Variants in EFHD1 observed in about 807,000 individuals in gnomAD.
EFHD1 encodes EF-hand domain-containing protein D1.
Under a neutral mutation model 17.2 loss-of-function variants are expected in EFHD1, and 10 were observed. The observed-to-expected ratio is 0.58, with a 90% CI of 0.36 to 0.99. The LOEUF (loss-of-function observed/expected upper bound fraction) is 0.99, where lower values mean the gene tolerates loss of function less well. Ranked by LOEUF, EFHD1 falls within the 50% of genes least tolerant of loss-of-function variation. EFHD1 has a pLI of 0.01. For synonymous variants in EFHD1, 153 were observed against 142.0 expected (o/e 1.08, Z -0.55); for missense variants, 310 against 327.5 (o/e 0.95, Z 0.41).
intron 1 of EFHD1, among the ~76,000 whole-genome samples, chr2:232,606,369 C>A (rs909069342): frequency 6.6e-6 from 1 of 152,200 alleles, no homozygotes; most frequent in African/African-American, 2.4e-5. Flanking sequence ...TCCGCGCCGG[C>A]TGGTCTCCCA....
intron 1 of EFHD1, among the ~76,000 whole-genome samples, chr2:232,614,305 T>G (rs1009619026): frequency 6.6e-6 from 1 of 152,124 alleles, no homozygotes; most frequent in African/African-American, 2.4e-5. Context: ...TGAGTGTGCC[T>G]GCCTCTCCTG....
At chr2:232,645,377 C>T (rs1016308297) in intron 1 of EFHD1, among the ~76,000 whole-genome samples, 8 of 152,154 alleles carry the variant, frequency 5.3e-5, no homozygotes, top group South Asian at 2.1e-4. Flanking sequence ...CCCACAGGGC[C>T]GTAGCTGATC....
chr2:232,632,914 G>T (rs1209934964), upstream of EFHD1, among the ~76,000 whole-genome samples: 1 of 152,230 alleles, frequency 6.6e-6, no homozygotes, highest in Non-Finnish European at 1.5e-5. Context: ...GAGTCTCCGC[G>T]CCAGGTTTCT....
chr2:232,608,123 A>C, intron 1 of EFHD1, among the ~76,000 whole-genome samples: 1 of 152,112 alleles, frequency 6.6e-6, no homozygotes, highest in South Asian at 2.1e-4. Context: ...TAATCCCAGC[A>C]CTTTGGGAGG....
At chr2:232,679,046 A>G (rs1389923289) in intron 3 of EFHD1, among the ~76,000 whole-genome samples, 1 of 152,228 alleles carries the variant, frequency 6.6e-6, no homozygotes, top group Non-Finnish European at 1.5e-5. Context: ...TTAAGATGTC[A>G]GCACATTTGC....
chr2:232,680,172 G>A (rs576210602), intron 3 of EFHD1, among the ~76,000 whole-genome samples: 5 of 152,162 alleles, frequency 3.3e-5, no homozygotes, highest in South Asian at 2.1e-4. Flanking sequence ...CTACTTGAGA[G>A]GCTGAGGCAG....
At chr2:232,680,099 CCT>C (rs1695249003) in intron 3 of EFHD1, among the ~76,000 whole-genome samples, 1 of 151,914 alleles carries the variant, frequency 6.6e-6, no homozygotes, top group Admixed American at 6.6e-5. Context: ...GTGGTAAAAC[CCT>C]GTCTCTACTA....
At chr2:232,620,401 AAAG>A (rs1693999561) in intron 1 of EFHD1, among the ~76,000 whole-genome samples, 1 of 151,480 alleles carries the variant, frequency 6.6e-6, no homozygotes, top group African/African-American at 2.4e-5. Context: ...AAAAAAAAAA[AAAG>A]AGACAGAGTC....
intron 1 of EFHD1, among the ~76,000 whole-genome samples, chr2:232,641,621 G>A (rs569130030): frequency 4.6e-5 from 7 of 152,342 alleles, no homozygotes; most frequent in African/African-American, 1.7e-4. Flanking sequence ...TGATATGAAA[G>A]CAGCCACAGG....
chr2:232,675,856 G>A (rs1695162264), intron 3 of EFHD1, among the ~76,000 whole-genome samples: 1 of 152,024 alleles, frequency 6.6e-6, no homozygotes, highest in African/African-American at 2.4e-5. Context: ...TTGTAAGGAG[G>A]GGAGTTGATG....
At chr2:232,669,468 G>T (rs904556528) in intron 2 of EFHD1, among the ~76,000 whole-genome samples, 31 of 152,102 alleles carry the variant, frequency 2.0e-4, no homozygotes, top group Admixed American at 5.9e-4. Flanking sequence ...CCTCTCACCG[G>T]CATGAAACAC....
At chr2:232,632,615 T>G (rs1460481086), upstream of EFHD1, among the ~76,000 whole-genome samples, 2 of 152,126 alleles carry the variant, frequency 1.3e-5, no homozygotes, top group African/African-American at 4.8e-5. Context: ...TTCCTCCCCC[T>G]CTCCCTCCTT....
intron 1 of EFHD1, chr2:232,606,445 T>A: frequency 1.7e-6 from 1 of 573,190 alleles, no homozygotes; most frequent in Non-Finnish European, 3.1e-6. Context: ...TGTGCTGAAG[T>A]CCCCATCGTC....
chr2:232,641,125 C>T (rs2106197836), intron 1 of EFHD1, among the ~76,000 whole-genome samples: 1 of 152,304 alleles, frequency 6.6e-6, no homozygotes, highest in African/African-American at 2.4e-5. Context: ...CCACTGCAAC[C>T]TCCACCTCCC....
chr2:232,679,717 TAA>T (rs34960766), intron 3 of EFHD1, among the ~76,000 whole-genome samples: 9 of 109,610 alleles, frequency 8.2e-5, no homozygotes, highest in Non-Finnish European at 1.5e-4. Flanking sequence ...AAGACGTTTC[TAA>T]AAAAAAAAAA....
intron 1 of EFHD1, among the ~76,000 whole-genome samples, chr2:232,660,171 ATTTAT>A (rs142343684): frequency 1.4e-5 from 2 of 147,558 alleles, no homozygotes; most frequent in Admixed American, 6.8e-5. Flanking sequence ...TGTGTTATTT[ATTTAT>A]TTTATTTTAT....
intron 1 of EFHD1, among the ~76,000 whole-genome samples, chr2:232,648,816 C>T (rs1259589672): frequency 1.3e-5 from 2 of 152,114 alleles, no homozygotes; most frequent in East Asian, 1.9e-4. Context: ...GTGGGGCCAG[C>T]GCCTGGCTGT....
At chr2:232,617,609 G>A (rs10191115) in intron 1 of EFHD1, among the ~76,000 whole-genome samples, 95,970 of 145,744 alleles carry the variant, frequency 0.66, 32,099 homozygotes, top group East Asian at 0.84. Context: ...AGCCGAGATC[G>A]CCCACTGCAC....
intron 1 of EFHD1, among the ~76,000 whole-genome samples, chr2:232,658,200 G>C (rs1244193329): frequency 6.6e-6 from 1 of 151,896 alleles, no homozygotes; most frequent in Non-Finnish European, 1.5e-5. Context: ...ACTGCACCCA[G>C]CCAGGACCTT....
Sources: allele counts gnomAD v4.1 joint callset (sites outside exome capture counted in the v4.1 genomes callset), GRCh38; gene constraint gnomAD v4.1.1; transcripts MANE v1.5; gene names NCBI Gene and HGNC (gene_info 2026-07-23, HGNC 2026-07-21).